Variants in MAP4K3 observed in about 807,000 individuals in gnomAD.
MAP4K3 encodes MAPK/ERK kinase kinase kinase 3.
In MAP4K3, 94 loss-of-function variants were observed where a neutral mutation model predicts 143.5. The ratio of observed to expected loss-of-function variants is 0.65; its 90% CI spans 0.55 to 0.78. The LOEUF (loss-of-function observed/expected upper bound fraction) is 0.78, where lower values mean the gene tolerates loss of function less well. MAP4K3 is among the 30% of genes least tolerant of loss of function. MAP4K3 has a pLI of 0.00. For synonymous variants in MAP4K3, 416 were observed against 347.2 expected (o/e 1.20, Z -2.20); for missense variants, 1,077 against 1,068.1 (o/e 1.01, Z -0.12).
rs773502894 is a variant in MAP4K3 at position 39,254,000 on chromosome 2, G to A, written c.2541+450C>T. The stretch of plus-strand genomic sequence containing the variant: ...ATTATATACATGTCAAATGAATAAG[G>A]ATGTTGAAAATAAAGAGGTAAGTGG... On this transcript the variant is annotated intron_variant, in intron 32 of 33. Coordinates refer to ENST00000263881, the MANE Select transcript of MAP4K3 (RefSeq NM_003618.4). Among the ~76,000 whole-genome samples, 30 of 152,186 alleles carry A rather than the reference G, an allele frequency of 2.0e-4. 1 individual carries two copies. Among genetic ancestry groups the A allele is most frequent in the Admixed American group, 2.0e-3 (30 of 15,272 alleles).
chr2:39,326,413 G>C, intron 8 of MAP4K3, 136 bp from the exon 9 acceptor site: 1 of 793,642 alleles, frequency 1.3e-6, no homozygotes, highest in Non-Finnish European at 2.0e-6. Flanking sequence ...TAAATATGCA[G>C]TACTTAAAAG....
chr2:39,257,982 AGTGCAATG>A (rs754420860), intron 31 of MAP4K3, among the ~76,000 whole-genome samples: 3 of 152,000 alleles, frequency 2.0e-5, no homozygotes, highest in Non-Finnish European at 2.9e-5. Flanking sequence ...CCCAGGCTGG[AGTGCAATG>A]GTGCGATCTC....
intron 1 of MAP4K3, among the ~76,000 whole-genome samples, chr2:39,404,875 C>A (rs1007262081): frequency 1.3e-5 from 2 of 152,132 alleles, no homozygotes; most frequent in African/African-American, 4.8e-5. Flanking sequence ...CCCGCCTTGG[C>A]CTCCCAAAGT....
chr2:39,401,287 A>G (rs1182258304), intron 1 of MAP4K3, among the ~76,000 whole-genome samples: 3 of 152,180 alleles, frequency 2.0e-5, no homozygotes, highest in Non-Finnish European at 4.4e-5. Context: ...GTGAGGAAAC[A>G]CACAAGGCCT....
chr2:39,281,974 AC>A (rs1284838887), intron 22 of MAP4K3, among the ~76,000 whole-genome samples: 5 of 152,152 alleles, frequency 3.3e-5, no homozygotes, highest in African/African-American at 1.2e-4. Context: ...TGCACACATC[AC>A]CTGAGGTCAG....
rs143796583 is a variant in MAP4K3, at chr2:39,290,301, C to T, written c.1305G>A (p.Leu435=). Residue 435 remains leucine, a synonymous_variant, in exon 19 of 34, where the codon TTG becomes TTA. Coordinates refer to ENST00000263881, the MANE Select transcript of MAP4K3 (RefSeq NM_003618.4). The part of the protein sequence containing the change: ...STLKAKIPPP[L]PPKPKSIFIP... ...AAATAAATCTGTCTACCTTTGGTGGCAAAGGAGGTGGAATTTTTGCTTTCA... is the reference window on the plus strand; with the variant it reads ...AAATAAATCTGTCTACCTTTGGTGGTAAAGGAGGTGGAATTTTTGCTTTCA... 3.7e-5 allele frequency: 60 copies of T among 1,607,000 alleles called. No homozygotes were observed. The African/African-American group carries it at 6.9e-4, about 18-fold the overall frequency.
chr2:39,326,044 C>A lies in MAP4K3; in HGVS notation c.663-83G>T. 3.3e-6 allele frequency: 5 copies of A among 1,497,850 alleles called. No individual in the cohort carries two copies. In the South Asian group the frequency reaches 4.9e-5, roughly 15 times the overall value. 92.8% of individuals were successfully genotyped at this position (1,497,850 alleles called of 1,614,324 possible). On this transcript the variant is annotated intron_variant, in intron 9 of 33. Coordinates refer to ENST00000263881, the MANE Select transcript of MAP4K3 (RefSeq NM_003618.4). ...CACAAATTCTATTACTATTTGTTCC[C>A]CAAATAAGGTAAAACAAGACTAAGA...
intron 11 of MAP4K3, 25 bp from the exon 12 acceptor site, chr2:39,325,653 A>C: frequency 1.3e-6 from 2 of 1,579,826 alleles, no homozygotes; most frequent in Non-Finnish European, 1.7e-6. Flanking sequence ...TACAATGCAG[A>C]ACACTTACTA....
intron 2 of MAP4K3, 137 bp from the exon 3 acceptor site, chr2:39,356,476 A>G: frequency 1.7e-6 from 1 of 587,258 alleles, no homozygotes; most frequent in Non-Finnish European, 3.0e-6. Context: ...CATAGCCAAT[A>G]AGTTAATGGT....
intron 1 of MAP4K3, among the ~76,000 whole-genome samples, chr2:39,387,291 G>C (rs576401823): frequency 2.0e-5 from 3 of 151,968 alleles, no homozygotes; most frequent in African/African-American, 7.2e-5. Flanking sequence ...CTTTTATTTG[G>C]AAGTACATTA....
At chr2:39,306,359 T>A (rs994057025) in intron 15 of MAP4K3, among the ~76,000 whole-genome samples, 4 of 152,234 alleles carry the variant, frequency 2.6e-5, no homozygotes, top group Admixed American at 6.5e-5. Flanking sequence ...TTGGCCCCTA[T>A]GGGTTAATTC....
At chr2:39,343,175 G>A (rs1665188835) in intron 4 of MAP4K3, among the ~76,000 whole-genome samples, 1 of 152,136 alleles carries the variant, frequency 6.6e-6, no homozygotes, top group Non-Finnish European at 1.5e-5. Flanking sequence ...TGCAGAATTA[G>A]CAAATAATTC....
intron 12 of MAP4K3, among the ~76,000 whole-genome samples, chr2:39,316,791 A>G (rs984513943): frequency 6.6e-6 from 1 of 152,184 alleles, no homozygotes; most frequent in Non-Finnish European, 1.5e-5. Context: ...TTGATTCTAA[A>G]ATAGCTCATC....
chr2:39,340,512 A>T (rs1012211970), intron 4 of MAP4K3, among the ~76,000 whole-genome samples: 1 of 152,232 alleles, frequency 6.6e-6, no homozygotes, highest in Admixed American at 6.5e-5. Context: ...AATTCATATT[A>T]CTTTGTTACT....
intron 1 of MAP4K3, among the ~76,000 whole-genome samples, chr2:39,406,283 G>A (rs566481739): frequency 6.6e-6 from 1 of 152,266 alleles, no homozygotes; most frequent in Non-Finnish European, 1.5e-5. Flanking sequence ...GCCTTAAAAA[G>A]GAGGTAGAGA....
intron 21 of MAP4K3, among the ~76,000 whole-genome samples, chr2:39,286,394 A>G (rs2148472247): frequency 6.6e-6 from 1 of 152,328 alleles, no homozygotes; most frequent in African/African-American, 2.4e-5. Flanking sequence ...TCTGCGGCCC[A>G]GGGGTTAGGG....
rs79312505 is a variant in MAP4K3, at chr2:39,319,554, A to G, written c.919-4166T>C. Among the ~76,000 whole-genome samples, 262 of 152,250 alleles carry G rather than the reference A, an allele frequency of 1.7e-3. 6 individuals carry two copies. In the East Asian group the frequency reaches 0.024, roughly 14 times the overall value. ...CCCTTGTGTACGTCAAGGGACAACT[A>G]TATTTTCAGTGTTTTTAAAGAAAGG... is the stretch of plus-strand genomic sequence containing the variant. On this transcript the variant is annotated intron_variant, in intron 12 of 33. Transcript: ENST00000263881.
chr2:39,347,985 G>C (rs1422861850), intron 3 of MAP4K3, among the ~76,000 whole-genome samples: 1 of 151,730 alleles, frequency 6.6e-6, no homozygotes, highest in Non-Finnish European at 1.5e-5. Context: ...TACCTCTTCT[G>C]TTTGTCAATA....
chr2:39,322,610 GTGTGTGTA>G (rs970550980), intron 12 of MAP4K3, among the ~76,000 whole-genome samples: 7 of 150,462 alleles, frequency 4.7e-5, no homozygotes, highest in Non-Finnish European at 7.4e-5. Flanking sequence ...GTGTGTGTGT[GTGTGTGTA>G]TATATGTATA....
Sources: allele counts gnomAD v4.1 joint callset (sites outside exome capture counted in the v4.1 genomes callset), GRCh38; gene constraint gnomAD v4.1.1; transcripts MANE v1.5; gene names NCBI Gene and HGNC (gene_info 2026-07-23, HGNC 2026-07-21).